ELAC2: variants seen among roughly 807,000 people sequenced by gnomAD.
ELAC2 encodes the protein elaC ribonuclease Z 2.
Under a neutral mutation model 105.2 loss-of-function variants are expected in ELAC2, and 92 were observed. The observed-to-expected ratio is 0.87, with a 90% confidence interval of 0.74 to 1.04. The LOEUF is 1.04. Among genes scored for constraint, ELAC2 ranks in the 50% least tolerant of loss-of-function variants. The probability of loss-of-function intolerance (pLI) is 0.00; values close to 1 mark genes in which losing one functional copy is unlikely to be tolerated. For missense variants in ELAC2, 1,099 were observed against 1,071.7 expected (o/e 1.03, Z -0.36); for synonymous variants, 468 against 409.1 (o/e 1.14, Z -1.74).
In ELAC2 at chr17:13,011,710, C is replaced by G. The variant is rs148419785; in HGVS notation, c.632G>C (p.Arg211Pro). ...TTCATTCGACTCGGAGTCTGAAGAT[C>G]GCTCTGGACTGAGCCTGCTGAGAGG... ...ERPLSRLSPE[R>P]SSDSESNENE... The change falls in exon 7 of 24, where the codon CGA becomes CCA. Residue 211 changes from arginine (R) to proline (P), a missense_variant. Arg to Pro is a moderately radical substitution (Grantham distance 103). Transcript: ENST00000338034. The G allele has an allele frequency of 6.2e-7, 1 of 1,614,142 alleles. No individual in the cohort carries two copies. The highest frequency in any genetic ancestry group is 2.2e-5 in the East Asian group (1 of 44,874).
At position 13,017,911 on chromosome 17, in the gene ELAC2, CGGCCGCG is replaced by C. The variant is rs1165664550; in HGVS notation, c.30_36del (p.Ala11AspfsTer88). ...GTGCGTCCCTGCGACATGGTGCGTC[CGGCCGCG>C]GACCGCAGCAGCGAGCAAAGCGCCC... On this transcript the variant is annotated frameshift_variant, in exon 1 of 24. Coordinates refer to ENST00000338034, the MANE Select transcript of ELAC2 (RefSeq NM_018127.7). LOFTEE classifies it high-confidence loss of function. The C allele has an allele frequency of 1.3e-6, 2 of 1,540,612 alleles. No individual in the cohort carries two copies. The highest frequency in any genetic ancestry group is 2.7e-5 in the African/African-American group (2 of 73,010).
rs764081904 is a variant in ELAC2 at position 13,010,628 on chromosome 17, T to A, written c.723A>T (p.Val241=). The A allele has an allele frequency of 1.2e-6, 2 of 1,613,972 alleles. No homozygotes were observed. Among genetic ancestry groups the A allele is most frequent in the African/African-American group, 2.7e-5 (2 of 74,910 alleles). ...RRGVRDSSLV[V]AFICKLHLKR... is the part of the protein sequence containing the mutation. ...TCTTCCTTACCTTACAGATGAAAGC[T>A]ACGACCAGGGAAGAGTCCCTGACCC... The change falls in exon 8 of 24, where the codon GTA becomes GTT. Residue 241 remains valine (V), a synonymous_variant. Transcript: ENST00000338034.
chr17:12,994,610 G>A, intron 21 of ELAC2, 107 bp from the exon 22 acceptor site: 2 of 1,591,780 alleles, frequency 1.3e-6, no homozygotes, highest in Admixed American at 3.3e-5. Context: ...CCTGGCCCTG[G>A]GTCTGCCTAC....
At chr17:13,016,606 G>C (rs903225517) in intron 3 of ELAC2, among the ~76,000 whole-genome samples, 1 of 151,820 alleles carries the variant, frequency 6.6e-6, no homozygotes, top group Non-Finnish European at 1.5e-5. Flanking sequence ...GCAAAACCCC[G>C]TCGCTACAAA....
chr17:13,006,199 C>T lies in ELAC2; in HGVS notation c.739-220G>A, dbSNP rs776755018. The T allele has an allele frequency of 1.5e-4, 80 of 534,272 alleles. 1 individual carries two copies. The highest frequency in any genetic ancestry group is 1.3e-3 in the South Asian group (64 of 49,648). 33.1% of individuals were successfully genotyped at this position (534,272 alleles called of 1,614,324 possible). A position where few individuals can be genotyped will look rare whatever the true frequency, so the allele number is the denominator to read the frequency against. On this transcript the variant is annotated intron_variant, in intron 8 of 23. Coordinates refer to ENST00000338034, the MANE Select transcript of ELAC2 (RefSeq NM_018127.7). ...CAGCCTGACCAACGTGGAGAAACCC[C>T]GTCTCTACTAAAAATACAAAATTGG...
chr17:13,015,795 C>A lies in ELAC2; in HGVS notation c.405G>T (p.Lys135Asn). The change falls in exon 4 of 24, where the codon AAG becomes AAT. Residue 135 changes from lysine (K) to asparagine (N), a missense_variant. Lys to Asn is a moderately conservative substitution (Grantham distance 94). Transcript: ENST00000338034. ...ILTLKETGLP[K>N]CVLSGPPQLE... ...GTTGTGGAGGTCCAGAAAGTACACA[C>A]TTTGGAAGCCCGGTTTCCTTTAAAG... is the stretch of plus-strand genomic sequence containing the variant. The A allele has an allele frequency of 6.2e-7, 1 of 1,614,126 alleles. No individual in the cohort carries two copies.
chr17:13,011,923 TTAAC>T, intron 6 of ELAC2, 141 bp from the exon 7 acceptor site: 2 of 1,349,532 alleles, frequency 1.5e-6, no homozygotes, highest in Non-Finnish European at 2.1e-6. Context: ...AACTAGTTAG[TTAAC>T]TTCCTACCTG....
intron 8 of ELAC2, 91 bp from the exon 9 acceptor site, chr17:13,006,070 A>T: frequency 3.4e-6 from 4 of 1,189,028 alleles, no homozygotes; most frequent in Non-Finnish European, 5.0e-6. Context: ...TTTCTAGATT[A>T]AAAAAAAATA....
rs570943980 is a variant in ELAC2 at position 13,015,824 on chromosome 17, G to C, written c.376C>G (p.Leu126Val). The C allele has an allele frequency of 6.2e-7, 1 of 1,613,824 alleles. No homozygotes were observed. Among genetic ancestry groups the C allele is most frequent in the South Asian group, 1.1e-5 (1 of 91,068 alleles). ...SNVGGLSGMI[L>V]TLKETGLPKC... ...GGAAGCCCGGTTTCCTTTAAAGTAAGAATCATTCCTAAAAAGGATGCATAA... is the reference window on the plus strand; with the variant it reads ...GGAAGCCCGGTTTCCTTTAAAGTAACAATCATTCCTAAAAAGGATGCATAA... Residue 126 changes from leucine to valine, a missense_variant, in exon 4 of 24, where the codon CTT becomes GTT. Leu to Val is a conservative substitution (Grantham distance 32). Transcript: ENST00000338034.
intron 23 of ELAC2, among the ~76,000 whole-genome samples, chr17:12,993,357 C>A (rs1484316188): frequency 6.6e-6 from 1 of 152,214 alleles, no homozygotes; most frequent in African/African-American, 2.4e-5. Flanking sequence ...GGCCAAGGGT[C>A]AGGCCTGGCT....
chr17:12,991,612 T>G lies in ELAC2; in HGVS notation c.*1206A>C, dbSNP rs561826397. ...TACATGTACAAATCGTTGTCAAAAGTAACGTTATTAAAATAGATTTATTAT... is the reference window on the plus strand; with the variant it reads ...TACATGTACAAATCGTTGTCAAAAGGAACGTTATTAAAATAGATTTATTAT... On this transcript the variant is annotated 3_prime_UTR_variant, in exon 24 of 24. Coordinates refer to ENST00000338034, the MANE Select transcript of ELAC2 (RefSeq NM_018127.7). 3 of 183,318 alleles carry G rather than the reference T, an allele frequency of 1.6e-5. No homozygotes were observed. Among genetic ancestry groups the G allele is most frequent in the South Asian group, 3.9e-4 (2 of 5,088 alleles). The allele number at this position is 183,318 out of a possible 1,614,324, so 11.4% of individuals were successfully genotyped here. A position where few individuals can be genotyped will look rare whatever the true frequency, so the allele number is the denominator to read the frequency against.
At chr17:12,996,788 T>C in intron 16 of ELAC2, 103 bp from the exon 17 acceptor site, 4 of 1,490,966 alleles carry the variant, frequency 2.7e-6, no homozygotes, top group Non-Finnish European at 3.6e-6. Context: ...ACTGCAGAAA[T>C]TTCTGTCTCT....
At chr17:13,001,853 A>C (rs2040828232) in intron 14 of ELAC2, among the ~76,000 whole-genome samples, 2 of 152,238 alleles carry the variant, frequency 1.3e-5, no homozygotes, top group Non-Finnish European at 2.9e-5. Flanking sequence ...CTGACAATAT[A>C]AACCCACATA....
intron 16 of ELAC2, among the ~76,000 whole-genome samples, chr17:12,997,995 A>T (rs1415128618): frequency 6.6e-6 from 1 of 152,050 alleles, no homozygotes; most frequent in Non-Finnish European, 1.5e-5. Context: ...AGCAATCAAG[A>T]CCCCAAGTCC....
At chr17:13,015,857 T>G (rs766972949) in intron 3 of ELAC2, 25 bp from the exon 4 acceptor site, 1 of 1,597,870 alleles carries the variant, frequency 6.3e-7, no homozygotes, top group South Asian at 1.1e-5. Flanking sequence ...TAAAATCAGA[T>G]CTCTCATCAA....
chr17:13,000,988 A>G (rs1402588163), intron 14 of ELAC2: 1 of 154,588 alleles, frequency 6.5e-6, no homozygotes, highest in African/African-American at 2.4e-5. Context: ...GCTGTGTGTT[A>G]AGAGCCTGCG....
At chr17:12,997,261 G>C (rs956306863) in intron 16 of ELAC2, among the ~76,000 whole-genome samples, 1 of 152,148 alleles carries the variant, frequency 6.6e-6, no homozygotes, top group African/African-American at 2.4e-5. Context: ...CTGGAAGTCT[G>C]GATTCTGACA....
rs757021921 is a variant in ELAC2 at position 12,994,408 on chromosome 17, T to C, written c.2108+17A>G. 1.2e-6 allele frequency: 2 copies of C among 1,614,036 alleles called. No individual in the cohort carries two copies. The highest frequency in any genetic ancestry group is 1.3e-5 in the African/African-American group (1 of 74,936). On this transcript the variant is annotated intron_variant, in intron 22 of 23. Transcript: ENST00000338034. The stretch of plus-strand genomic sequence containing the variant: ...GGGAGAGGATGTGGGCGACAAGGAC[T>C]GACCGGCCTTTGCTACCTGTGTGTC...
In ELAC2 at chr17:12,993,734, T is replaced by G; in HGVS notation, c.2206A>C (p.Ser736Arg). The change falls in exon 23 of 24, where the codon AGC (serine) becomes CGC (arginine). Residue 736 changes from serine to arginine, a missense_variant. Transcript: ENST00000338034. ...CCCACTTTCTCGCTGAAGTTGGGGC[T>G]GAAGAGGGGGACCTTGGCATAGCGC... Reference protein sequence around the residue: ...SQRYAKVPLFSPNFSEKVGVA... With the variant: ...SQRYAKVPLFRPNFSEKVGVA... The G allele has an allele frequency of 6.2e-7, 1 of 1,614,172 alleles. No individual in the cohort carries two copies. Among genetic ancestry groups the G allele is most frequent in the Non-Finnish European group, 8.5e-7 (1 of 1,180,026 alleles).
Sources: gnomAD v4.1 joint callset for allele counts (sites outside exome capture counted in the v4.1 genomes callset) on GRCh38, gnomAD v4.1.1 for gene constraint, MANE v1.5 for transcripts, NCBI Gene and HGNC (gene_info 2026-07-23, HGNC 2026-07-21) for gene names.